The following CHRD variants were observed in gnomAD, a reference collection of about 807,000 sequenced individuals.
CHRD encodes chordin.
In CHRD, 69 loss-of-function variants were observed where a neutral mutation model predicts 113.7. The observed-to-expected ratio is 0.61, with a 90% CI of 0.50 to 0.74. The LOEUF (loss-of-function observed/expected upper bound fraction) is 0.74, where lower values mean the gene tolerates loss of function less well. CHRD is among the 30% of genes least tolerant of loss of function. CHRD has a pLI of 0.00. For synonymous variants in CHRD, 561 were observed against 540.8 expected, an observed-to-expected ratio of 1.04 and a Z score of -0.52; for missense variants, 1,194 against 1,295.8, an observed-to-expected ratio of 0.92 and a Z score of 1.21.
Position 184,387,612 on chromosome 3 carries a change from C to G in CHRD, c.2451+135C>G. 1 of 846,800 alleles carries G rather than the reference C, an allele frequency of 1.2e-6. No individual in the cohort carries two copies. Among genetic ancestry groups the G allele is most frequent in the Non-Finnish European group, 1.8e-6 (1 of 560,524 alleles). 52.5% of individuals were successfully genotyped at this position (846,800 alleles called of 1,614,324 possible). ...AAAACGATATGAGAAAAGGCCCTTG[C>G]GCTCTGAGAGTCGGCTTCCTGTGGG... On this transcript the variant is annotated intron_variant, in intron 19 of 22. Coordinates refer to ENST00000204604, the Ensembl canonical transcript of CHRD. The surrounding 1 kb of genome is among the most constrained non-coding windows in gnomAD (Gnocchi z 6.1).
rs750165538 is a variant in CHRD at position 184,387,887 on chromosome 3, A to T, written c.2452-44A>T. 3.0e-5 allele frequency: 46 copies of T among 1,536,030 alleles called. No homozygotes were observed. Among genetic ancestry groups the T allele is most frequent in the African/African-American group, 1.4e-5 (1 of 73,632 alleles). ...AGGAGAGGGAGTGGGCAGGAGGCTTATGTGCCCCCTGCCTGACACTCCTTG... is the reference window on the plus strand; with the variant it reads ...AGGAGAGGGAGTGGGCAGGAGGCTTTTGTGCCCCCTGCCTGACACTCCTTG... On this transcript the variant is annotated intron_variant, in intron 19 of 22. Transcript: ENST00000204604. This position sits in a 1 kb window ranked among gnomAD's most constrained non-coding sequence, Gnocchi z 6.1.
Position 184,380,677 on chromosome 3 carries a change from A to T in CHRD, c.149-15A>T, listed in dbSNP as rs1320964742. 6.4e-7 allele frequency: 1 copy of T among 1,569,294 alleles called. No homozygotes were observed. Among genetic ancestry groups the T allele is most frequent in the South Asian group, 1.2e-5 (1 of 86,630 alleles). On this transcript the variant is annotated splice_polypyrimidine_tract_variant and intron_variant, in intron 1 of 22. Transcript: ENST00000204604. This position sits in a 1 kb window ranked among gnomAD's most constrained non-coding sequence, Gnocchi z 6.3. ...CGAGCTGGGCAGCGGCCTCCAGCCA[A>T]GCCCGTCCCCGCAGGCTGCACCTTC...
rs1577396459 is a variant in CHRD, at chr3:184,384,424, G to A, written c.1441-113G>A. The A allele has an allele frequency of 8.0e-7, 1 of 1,248,670 alleles. No homozygotes were observed. Among genetic ancestry groups the A allele is most frequent in the African/African-American group, 1.5e-5 (1 of 65,536 alleles). The allele number at this position is 1,248,670 out of a possible 1,614,324, so 77.3% of individuals were successfully genotyped here. A position where few individuals can be genotyped will look rare whatever the true frequency, so the allele number is the denominator to read the frequency against. ...TGGGCCTGCCAGGTCCTTATCCTGTGTTTCTGGTGTGTGGAAGTGTGTGTG... is the reference window on the plus strand; with the variant it reads ...TGGGCCTGCCAGGTCCTTATCCTGTATTTCTGGTGTGTGGAAGTGTGTGTG... On this transcript the variant is annotated intron_variant, in intron 12 of 22. Transcript: ENST00000204604. This position sits in a 1 kb window ranked among gnomAD's most constrained non-coding sequence, Gnocchi z 4.4.
rs761295597 is a variant in CHRD, at chr3:184,383,662, C to G, written c.1440+20C>G. ...CACACGGTGAGGGCTCCAGGTGGAG[C>G]TGGACCCCAGGGCCCAATGCATGGG... On this transcript the variant is annotated intron_variant, in intron 12 of 22. Coordinates refer to ENST00000204604, the Ensembl canonical transcript of CHRD. 1 of 1,592,130 alleles carries G rather than the reference C, an allele frequency of 6.3e-7. No homozygotes were observed. The highest frequency in any genetic ancestry group is 1.7e-5 in the Admixed American group (1 of 57,890).
At position 184,381,764 on chromosome 3, in the gene CHRD, CCCGAGT is replaced by C. The variant is rs1205336339; in HGVS notation, c.562_567del (p.Arg188_Val189del). 4 of 1,613,218 alleles carry C rather than the reference CCCGAGT, an allele frequency of 2.5e-6. No individual in the cohort carries two copies. The highest frequency in any genetic ancestry group is 3.4e-6 in the Non-Finnish European group (4 of 1,179,976). On this transcript the variant is annotated inframe_deletion, in exon 5 of 23. Coordinates refer to ENST00000204604, the Ensembl canonical transcript of CHRD. The surrounding 1 kb of genome is among the most constrained non-coding windows in gnomAD (Gnocchi z 4.7). The stretch of plus-strand genomic sequence containing the variant: ...CCGAGGTCGCAGGCGGTGGCACGAG[CCCGAGT>C]CTCGCTGCTGCGCTCTAGCCTCCGC...
Position 184,384,599 on chromosome 3 carries a change from C to G in CHRD, c.1503C>G (p.Leu501=). Residue 501 remains leucine (L), a synonymous_variant, in exon 13 of 23, where the codon CTC becomes CTG. Coordinates refer to ENST00000204604, the Ensembl canonical transcript of CHRD. The surrounding 1 kb of genome is among the most constrained non-coding windows in gnomAD (Gnocchi z 4.4). Reference sequence around the variant, plus strand: ...CTCATATGCTGCTGCAGAATGAGCTCTTCCTGAACGTGGGCACCAAGGACT... The same window carrying G: ...CTCATATGCTGCTGCAGAATGAGCTGTTCCTGAACGTGGGCACCAAGGACT... The G allele has an allele frequency of 2.5e-6, 4 of 1,609,508 alleles. No individual in the cohort carries two copies. Among genetic ancestry groups the G allele is most frequent in the Non-Finnish European group, 3.4e-6 (4 of 1,177,942 alleles).
Position 184,381,601 on chromosome 3 carries a change from G to C in CHRD, c.488G>C (p.Arg163Pro). The C allele has an allele frequency of 2.5e-6, 4 of 1,606,918 alleles. No homozygotes were observed. Among genetic ancestry groups the C allele is most frequent in the Non-Finnish European group, 3.4e-6 (4 of 1,176,648 alleles). ...CGCGGGGAGCCAGGCGCTGAGGAGC[G>C]GGCCCGTGGTGACGGCCACACGGGT... The change falls in exon 4 of 23, where the codon CGG becomes CCG. Residue 163 changes from arginine to proline, a missense_variant. Arg to Pro is a moderately radical substitution (Grantham distance 103). Coordinates refer to ENST00000204604, the Ensembl canonical transcript of CHRD. The surrounding 1 kb of genome is among the most constrained non-coding windows in gnomAD (Gnocchi z 4.7).
Position 184,381,918 on chromosome 3 carries a change from A to G in CHRD, c.612-15A>G. ...TTTTGGCTCAGTCCGGCCTCACCCGACCTCTCATTCCCAGGCTGGACCGCC... is the reference window on the plus strand; with the variant it reads ...TTTTGGCTCAGTCCGGCCTCACCCGGCCTCTCATTCCCAGGCTGGACCGCC... On this transcript the variant is annotated splice_polypyrimidine_tract_variant and intron_variant, in intron 5 of 22. Transcript: ENST00000204604. This position sits in a 1 kb window ranked among gnomAD's most constrained non-coding sequence, Gnocchi z 4.7. 6.2e-7 allele frequency: 1 copy of G among 1,613,898 alleles called. No individual in the cohort carries two copies. The highest frequency in any genetic ancestry group is 1.1e-5 in the South Asian group (1 of 91,068).
Position 184,388,591 on chromosome 3 carries a change from G to A in CHRD, c.2559G>A (p.Gly853=). The change falls in exon 21 of 23, where the codon GGG becomes GGA. Residue 853 remains glycine, a synonymous_variant. Coordinates refer to ENST00000204604, the Ensembl canonical transcript of CHRD. The surrounding 1 kb of genome is among the most constrained non-coding windows in gnomAD (Gnocchi z 6.1). ...TTTCTCTTTCCCTCTCAACAGTGGGGTCGGGGGCCCACCCCCAGCTGGGGG... is the reference window on the plus strand; with the variant it reads ...TTTCTCTTTCCCTCTCAACAGTGGGATCGGGGGCCCACCCCCAGCTGGGGG... The A allele has an allele frequency of 6.2e-7, 1 of 1,609,830 alleles. No individual in the cohort carries two copies. Among genetic ancestry groups the A allele is most frequent in the Non-Finnish European group, 8.5e-7 (1 of 1,179,834 alleles).
intron 6 of CHRD, 23 bp from the exon 7 acceptor site, chr3:184,382,366 G>C: frequency 6.2e-7 from 1 of 1,614,106 alleles, no homozygotes. Flanking sequence ...TGAGCGTAGG[G>C]CCTTCTTGTC....
rs1715059318 is a variant in CHRD at position 184,380,260 on chromosome 3, C to T, written c.-59C>T. On this transcript the variant is annotated 5_prime_UTR_variant, in exon 1 of 23. Coordinates refer to ENST00000204604, the Ensembl canonical transcript of CHRD. This position sits in a 1 kb window ranked among gnomAD's most constrained non-coding sequence, Gnocchi z 6.3. ...CCGCCCTCCGCACTCCCGCCTCCCTCCCTCCGCCCGCTCCCGCGCCCTCCT... is the reference window on the plus strand; with the variant it reads ...CCGCCCTCCGCACTCCCGCCTCCCTTCCTCCGCCCGCTCCCGCGCCCTCCT... 1.9e-5 allele frequency: 13 copies of T among 696,622 alleles called. No individual in the cohort carries two copies. Among genetic ancestry groups the T allele is most frequent in the Non-Finnish European group, 2.5e-5 (13 of 526,680 alleles). 43.2% of individuals were successfully genotyped at this position (696,622 alleles called of 1,614,324 possible).
chr3:184,386,455 G>T, intron 15 of CHRD, 37 bp from the exon 16 acceptor site: 1 of 1,531,084 alleles, frequency 6.5e-7, no homozygotes, highest in Non-Finnish European at 8.7e-7. Flanking sequence ...ACGCGAGGGG[G>T]AGCCCCAGCG....
In CHRD at chr3:184,381,211, GT is replaced by G; in HGVS notation, c.253-21del. The G allele has an allele frequency of 6.2e-7, 1 of 1,612,728 alleles. No homozygotes were observed. Among genetic ancestry groups the G allele is most frequent in the Non-Finnish European group, 8.5e-7 (1 of 1,179,918 alleles). ...CAGTTGGCATCTTGCACTCACTTGG[GT>G]TTCCCGCCTTTTCCGGGAGCAGCCT... On this transcript the variant is annotated intron_variant, in intron 2 of 22. Transcript: ENST00000204604. This position sits in a 1 kb window ranked among gnomAD's most constrained non-coding sequence, Gnocchi z 4.7.
chr3:184,383,665 G>T, intron 12 of CHRD, 23 bp downstream of exon 12: 1 of 1,590,082 alleles, frequency 6.3e-7, no homozygotes, highest in Non-Finnish European at 8.6e-7. Flanking sequence ...GGTGGAGCTG[G>T]ACCCCAGGGC....
rs372203346 is a variant in CHRD at position 184,386,625 on chromosome 3, C to G, written c.2066C>G (p.Ala689Gly). ...GTGGTGCCTGGTCTCCCGGCCCTAG[C>G]GCCCGCCAAACCTGGTGGTCCTGGG... Residue 689 changes from alanine (A) to glycine (G), a missense_variant, in exon 16 of 23, where the codon GCG becomes GGG. Coordinates refer to ENST00000204604, the Ensembl canonical transcript of CHRD. The G allele has an allele frequency of 9.4e-5, 151 of 1,608,450 alleles. No homozygotes were observed. The African/African-American group carries it at 2.0e-3, about 21-fold the overall frequency.
intron 16 of CHRD, 45 bp downstream of exon 16, chr3:184,386,800 A>G: frequency 6.2e-7 from 1 of 1,613,860 alleles, no homozygotes; most frequent in South Asian, 1.1e-5. Context: ...GATCTGGAGC[A>G]AGGGGCCTGG....
In CHRD at chr3:184,386,034, G is replaced by A; in HGVS notation, c.1819-12G>A. On this transcript the variant is annotated splice_polypyrimidine_tract_variant and intron_variant, in intron 14 of 22. Transcript: ENST00000204604. ...GTGCCTTATTCCTATCCATTGTCCT[G>A]TCTATGTGCAGGCCCAGGGTGTGGT... The A allele has an allele frequency of 6.2e-7, 1 of 1,614,088 alleles. No individual in the cohort carries two copies. Among genetic ancestry groups the A allele is most frequent in the Non-Finnish European group, 8.5e-7 (1 of 1,179,954 alleles).
chr3:184,382,947 G>A lies in CHRD; in HGVS notation c.1065+9G>A. The A allele has an allele frequency of 1.9e-6, 3 of 1,613,896 alleles. No homozygotes were observed. Among genetic ancestry groups the A allele is most frequent in the Middle Eastern group, 1.6e-4 (1 of 6,062 alleles). ...CCAATGTCTCAGCCCAGGTGAGTGG[G>A]GATCTGGCTCTCGCTGCCACCTGTC... On this transcript the variant is annotated intron_variant, in intron 9 of 22. Transcript: ENST00000204604.
Position 184,387,362 on chromosome 3 carries a change from G to C in CHRD, c.2348-12G>C. 6.2e-7 allele frequency: 1 copy of C among 1,604,000 alleles called. No individual in the cohort carries two copies. Among genetic ancestry groups the C allele is most frequent in the Non-Finnish European group, 8.5e-7 (1 of 1,175,564 alleles). ...CTCATACTAATGGCTGCTGGGCCCT[G>C]TTCCCCACCAGGCTGCTATTTTGAT... On this transcript the variant is annotated splice_polypyrimidine_tract_variant and intron_variant, in intron 18 of 22. Transcript: ENST00000204604. The surrounding 1 kb of genome is among the most constrained non-coding windows in gnomAD (Gnocchi z 6.1).
Sources: gnomAD v4.1 joint callset for allele counts on GRCh38, gnomAD v4.1.1 for gene constraint, Gnocchi (gnomAD v3.1) non-coding constraint, MANE v1.5 for transcripts, NCBI Gene and HGNC (gene_info 2026-07-23, HGNC 2026-07-21) for gene names.